Variants in EFNA4 observed in about 807,000 individuals in gnomAD.
EFNA4 encodes the protein ephrin-A4.
Under a neutral mutation model 23.7 loss-of-function variants are expected in EFNA4, and 22 were observed. The ratio of observed to expected loss-of-function variants is 0.93; its 90% CI spans 0.66 to 1.32. The LOEUF (loss-of-function observed/expected upper bound fraction) is 1.32, where lower values mean the gene tolerates loss of function less well. Among genes scored for constraint, EFNA4 ranks in the 40% most tolerant of loss-of-function variants. The pLI, the probability that EFNA4 is intolerant of heterozygous loss-of-function variation, is 0.00. For missense variants in EFNA4, 252 were observed against 252.3 expected (o/e 1.00, Z 0.01); for synonymous variants, 113 against 108.3 (o/e 1.04, Z -0.27).
intron 1 of EFNA4, among the ~76,000 whole-genome samples, chr1:155,065,302 G>C (rs1016882836): frequency 6.6e-6 from 1 of 152,088 alleles, no homozygotes; most frequent in Non-Finnish European, 1.5e-5. Context: ...GTCATGCTTC[G>C]CTGTGTTTGT....
chr1:155,066,617 C>T (rs1012680726), intron 1 of EFNA4, 113 bp from the exon 2 acceptor site: 1 of 1,338,364 alleles, frequency 7.5e-7, no homozygotes, highest in Non-Finnish European at 1.0e-6. Flanking sequence ...TGCTCCATCG[C>T]ACATGGGTGG....
intron 1 of EFNA4, among the ~76,000 whole-genome samples, chr1:155,065,529 T>C (rs1428946236): frequency 6.7e-6 from 1 of 149,406 alleles, no homozygotes; most frequent in African/African-American, 2.5e-5. Context: ...CCTCATTCTT[T>C]TTTTTTTTTT....
rs1663064999 is a variant in EFNA4, at chr1:155,066,948, A to G, written c.332A>G (p.Lys111Arg). The G allele has an allele frequency of 1.2e-6, 2 of 1,613,986 alleles. No homozygotes were observed. The highest frequency in any genetic ancestry group is 2.2e-5 in the East Asian group (1 of 44,886). The change falls in exon 2 of 4, where the codon AAG becomes AGG. Residue 111 changes from lysine to arginine, a missense_variant. By Grantham distance (26) the Lys-to-Arg change is conservative. Transcript: ENST00000368409. ...LPFGHVQFSE[K>R]IQRFTPFSLG... ...TTTGGCCATGTTCAATTCTCAGAGAAGATTCAGCGCTTCACACCCTTCTCC... is the reference window on the plus strand; with the variant it reads ...TTTGGCCATGTTCAATTCTCAGAGAGGATTCAGCGCTTCACACCCTTCTCC...
chr1:155,069,328 C>T lies in EFNA4; in HGVS notation c.*339C>T. 1 of 828,786 alleles carries T rather than the reference C, an allele frequency of 1.2e-6. No homozygotes were observed. The highest frequency in any genetic ancestry group is 2.1e-5 in the South Asian group (1 of 48,518). The allele number at this position is 828,786 out of a possible 1,614,324, so 51.3% of individuals were successfully genotyped here. On this transcript the variant is annotated 3_prime_UTR_variant, in exon 4 of 4. Transcript: ENST00000368409. ...GCCAGCTGGGGGCCCAGGCTGAAGACCTGGGGACAGGTCGATTGCTGGACC... is the reference window on the plus strand; with the variant it reads ...GCCAGCTGGGGGCCCAGGCTGAAGATCTGGGGACAGGTCGATTGCTGGACC...
rs1663130752 is a variant in EFNA4, at chr1:155,069,505, C to T, written c.*516C>T. ...TGCCAGTTTGTATTTTTATAAGTAT[C>T]TAGACCAAACCTTCAATAAACCACT... is the stretch of plus-strand genomic sequence containing the variant. On this transcript the variant is annotated 3_prime_UTR_variant, in exon 4 of 4. Transcript: ENST00000368409. 1 of 272,832 alleles carries T rather than the reference C, an allele frequency of 3.7e-6. No individual in the cohort carries two copies. The highest frequency in any genetic ancestry group is 6.8e-6 in the Non-Finnish European group (1 of 146,184). The allele number at this position is 272,832 out of a possible 1,614,324, so 16.9% of individuals were successfully genotyped here.
intron 3 of EFNA4, 120 bp from the exon 4 acceptor site, chr1:155,068,733 G>A: frequency 9.4e-7 from 1 of 1,062,310 alleles, no homozygotes; most frequent in Non-Finnish European, 1.3e-6. Flanking sequence ...ATCATGGGAA[G>A]GGAGTGGCTG....
chr1:155,064,852 G>T (rs1662966836), intron 1 of EFNA4, among the ~76,000 whole-genome samples: 1 of 152,200 alleles, frequency 6.6e-6, no homozygotes, highest in African/African-American at 2.4e-5. Flanking sequence ...TAGATGAGAA[G>T]ATCAAGACCC....
intron 1 of EFNA4, among the ~76,000 whole-genome samples, chr1:155,064,768 C>T (rs1311593729): frequency 2.6e-5 from 4 of 152,212 alleles, no homozygotes; most frequent in Non-Finnish European, 5.9e-5. Context: ...CATTTCTTCA[C>T]TCACTAACAT....
rs1459768221 is a variant in EFNA4 at position 155,064,753 on chromosome 1, C to T, written c.113+817C>T. On this transcript the variant is annotated intron_variant, in intron 1 of 3. Coordinates refer to ENST00000368409, the MANE Select transcript of EFNA4 (RefSeq NM_005227.3). Reference sequence around the variant, plus strand: ...ATTTTCTACTTGAGACAATCTGTGACTATTCATTTCTTCACTCACTAACAT... The same window carrying T: ...ATTTTCTACTTGAGACAATCTGTGATTATTCATTTCTTCACTCACTAACAT... Among the ~76,000 whole-genome samples, 5 of 152,136 alleles carry T rather than the reference C, an allele frequency of 3.3e-5. No homozygotes were observed. The East Asian group carries it at 9.6e-4, about 29-fold the overall frequency.
Position 155,068,999 on chromosome 1 carries a change from AC to A in EFNA4, c.*12del, listed in dbSNP as rs760995989. 1.0e-4 allele frequency: 162 copies of A among 1,613,412 alleles called. No individual in the cohort carries two copies. Among genetic ancestry groups the A allele is most frequent in the Non-Finnish European group, 1.3e-4 (155 of 1,179,752 alleles). On this transcript the variant is annotated 3_prime_UTR_variant, in exon 4 of 4. Transcript: ENST00000368409. ...TCTGCGAATTCTGTGAGCCAAGCAG[AC>A]CTTCCCTCTCATCCCAAGGAGCCAG... is the stretch of plus-strand genomic sequence containing the variant.
Position 155,069,233 on chromosome 1 carries a change from T to C in EFNA4, c.*244T>C, listed in dbSNP as rs1162226299. Reference sequence around the variant, plus strand: ...CAGAGGCAAGACAAACACAGGCGCTTTGCAGGCTGCTCTGAGGGTCTCAGC... The same window carrying C: ...CAGAGGCAAGACAAACACAGGCGCTCTGCAGGCTGCTCTGAGGGTCTCAGC... On this transcript the variant is annotated 3_prime_UTR_variant, in exon 4 of 4. Transcript: ENST00000368409. 1 of 1,519,242 alleles carries C rather than the reference T, an allele frequency of 6.6e-7. No homozygotes were observed. Among genetic ancestry groups the C allele is most frequent in the African/African-American group, 1.4e-5 (1 of 71,006 alleles). The allele number at this position is 1,519,242 out of a possible 1,614,324, so 94.1% of individuals were successfully genotyped here. A position where few individuals can be genotyped will look rare whatever the true frequency, so the allele number is the denominator to read the frequency against.
rs142837088 is a variant in EFNA4 at position 155,068,966 on chromosome 1, C to T, written c.583C>T (p.Leu195Phe). ...CLLLLLLLLI[L>F]RLLRIL ...CTTGCTATTACTGCTGCTTCTGATTCTTCGTCTTCTGCGAATTCTGTGAGC... is the reference window on the plus strand; with the variant it reads ...CTTGCTATTACTGCTGCTTCTGATTTTTCGTCTTCTGCGAATTCTGTGAGC... Residue 195 changes from leucine (L) to phenylalanine (F), a missense_variant, in exon 4 of 4, where the codon CTT (leucine) becomes TTT (phenylalanine). Coordinates refer to ENST00000368409, the MANE Select transcript of EFNA4 (RefSeq NM_005227.3). The T allele has an allele frequency of 5.6e-6, 9 of 1,614,116 alleles. No individual in the cohort carries two copies. Among genetic ancestry groups the T allele is most frequent in the Non-Finnish European group, 3.4e-6 (4 of 1,179,998 alleles).
chr1:155,065,523 ATTC>A (rs1270821238), intron 1 of EFNA4, among the ~76,000 whole-genome samples: 1 of 142,354 alleles, frequency 7.0e-6, no homozygotes, highest in Non-Finnish European at 1.5e-5. Context: ...CCACTCCCTC[ATTC>A]TTTTTTTTTT....
rs1170853712 is a variant in EFNA4, at chr1:155,063,756, C to T, written c.-68C>T. The T allele has an allele frequency of 3.7e-6, 5 of 1,368,062 alleles. No individual in the cohort carries two copies. The highest frequency in any genetic ancestry group is 4.9e-6 in the Non-Finnish European group (5 of 1,029,836). The allele number at this position is 1,368,062 out of a possible 1,614,324, so 84.7% of individuals were successfully genotyped here. A position where few individuals can be genotyped will look rare whatever the true frequency, so the allele number is the denominator to read the frequency against. On this transcript the variant is annotated 5_prime_UTR_variant, in exon 1 of 4. Coordinates refer to ENST00000368409, the MANE Select transcript of EFNA4 (RefSeq NM_005227.3). This position sits in a 1 kb window ranked among gnomAD's most constrained non-coding sequence, Gnocchi z 4.1. Reference sequence around the variant, plus strand: ...CCGCAACTTCCCTCTTCACTTTGTACCTTTCTCTCCTCGACTGTGAAGCGG... The same window carrying T: ...CCGCAACTTCCCTCTTCACTTTGTATCTTTCTCTCCTCGACTGTGAAGCGG...
intron 3 of EFNA4, among the ~76,000 whole-genome samples, chr1:155,068,327 G>A (rs1663099508): frequency 6.7e-6 from 1 of 148,444 alleles, no homozygotes; most frequent in African/African-American, 2.5e-5. Flanking sequence ...GTACAGTGGT[G>A]CGATCTCAGC....
Position 155,069,006 on chromosome 1 carries a change from C to T in EFNA4, c.*17C>T. The T allele has an allele frequency of 6.2e-7, 1 of 1,613,572 alleles. No individual in the cohort carries two copies. Among genetic ancestry groups the T allele is most frequent in the Non-Finnish European group, 8.5e-7 (1 of 1,179,714 alleles). The stretch of plus-strand genomic sequence containing the variant: ...ATTCTGTGAGCCAAGCAGACCTTCC[C>T]TCTCATCCCAAGGAGCCAGAGTCCT... On this transcript the variant is annotated 3_prime_UTR_variant, in exon 4 of 4. Coordinates refer to ENST00000368409, the MANE Select transcript of EFNA4 (RefSeq NM_005227.3).
chr1:155,064,041 C>T (rs1662906945), intron 1 of EFNA4, 105 bp downstream of exon 1: 1 of 805,784 alleles, frequency 1.2e-6, no homozygotes, highest in East Asian at 3.8e-5. Flanking sequence ...AGCCTGGCCG[C>T]GCGCCGGGGC....
At chr1:155,064,052 T>G (rs1483004268) in intron 1 of EFNA4, 116 bp downstream of exon 1, 3 of 479,312 alleles carry the variant, frequency 6.3e-6, no homozygotes, top group South Asian at 4.7e-5. Context: ...GCGCCGGGGC[T>G]CCTTTGTTTG....
chr1:155,064,046 C>G, intron 1 of EFNA4, 110 bp downstream of exon 1: 1 of 494,200 alleles, frequency 2.0e-6, no homozygotes, highest in South Asian at 2.6e-5. Flanking sequence ...GGCCGCGCGC[C>G]GGGGCTCCTT....
Sources: allele counts gnomAD v4.1 joint callset (sites outside exome capture counted in the v4.1 genomes callset), GRCh38; gene constraint gnomAD v4.1.1; non-coding constraint Gnocchi (gnomAD v3.1); transcripts MANE v1.5; gene names NCBI Gene and HGNC (gene_info 2026-07-23, HGNC 2026-07-21).